The following ENTREP3 variants were observed in gnomAD, a reference collection of about 807,000 sequenced individuals.
The protein encoded by ENTREP3 is endosomal transmembrane epsin interactor 3.
chr1:155,250,612 G>A, the ENTREP3 span: 1 of 1,608,850 alleles, frequency 6.2e-7, no homozygotes, highest in Non-Finnish European at 8.5e-7. The surrounding 1 kb of genome is among the most constrained non-coding windows in gnomAD (Gnocchi z 5.4). Context: ...GGGCGCCGTG[G>A]CAGGGGGCTT....
At chr1:155,251,055 C>T in the ENTREP3 span, 27 of 1,573,688 alleles carry the variant, frequency 1.7e-5, no homozygotes, top group Admixed American at 8.5e-5. Flanking sequence ...CTATCCCTGG[C>T]AGCCCCGCCC....
the ENTREP3 span, chr1:155,251,751 G>A: frequency 1.2e-6 from 2 of 1,611,536 alleles, no homozygotes. Context: ...ATCTGTTTCT[G>A]AGCTGCAGGT....
At chr1:155,250,475 G>A in the ENTREP3 span, 5 of 1,478,896 alleles carry the variant, frequency 3.4e-6, no homozygotes, top group African/African-American at 1.4e-5. The surrounding 1 kb of genome is among the most constrained non-coding windows in gnomAD (Gnocchi z 5.4). Flanking sequence ...GCCTCAGCTC[G>A]GGGAAGCAGG....
the ENTREP3 span, chr1:155,250,649 G>C: frequency 1.2e-6 from 2 of 1,612,060 alleles, no homozygotes; most frequent in Non-Finnish European, 1.7e-6. This position sits in a 1 kb window ranked among gnomAD's most constrained non-coding sequence, Gnocchi z 5.4. Context: ...GCAGGCCACA[G>C]TCCAGGCTGA....
chr1:155,251,084 G>A, the ENTREP3 span: 19 of 1,608,892 alleles, frequency 1.2e-5, no homozygotes, highest in African/African-American at 5.4e-5. Context: ...CCCTCATTAC[G>A]CCCTGCTCAC....
At chr1:155,254,470 G>A in the ENTREP3 span, 3 of 1,614,008 alleles carry the variant, frequency 1.9e-6, no homozygotes, top group African/African-American at 4.0e-5. This position sits in a 1 kb window ranked among gnomAD's most constrained non-coding sequence, Gnocchi z 4.4. Flanking sequence ...GGGACAGAGT[G>A]GGCACAGGCT....
At chr1:155,250,265 AG>A in the ENTREP3 span, 6 of 1,543,716 alleles carry the variant, frequency 3.9e-6, no homozygotes, top group African/African-American at 8.3e-5. The surrounding 1 kb of genome is among the most constrained non-coding windows in gnomAD (Gnocchi z 5.4). Context: ...GCAGTCGGGG[AG>A]GGGGCTCACC....
the ENTREP3 span, chr1:155,253,993 G>A: frequency 1.2e-6 from 2 of 1,612,762 alleles, no homozygotes; most frequent in South Asian, 1.1e-5. Flanking sequence ...GTGGAGCAGG[G>A]AGGGTGAGGC....
At chr1:155,247,846 A>G in the ENTREP3 span, 1 of 1,497,190 alleles carries the variant, frequency 6.7e-7, no homozygotes, top group South Asian at 1.4e-5. Flanking sequence ...ACCACGCTCC[A>G]GCCTGCGGCC....
At chr1:155,248,991 T>C in the ENTREP3 span, among the ~76,000 whole-genome samples, 81 of 151,030 alleles carry the variant, frequency 5.4e-4, no homozygotes, top group African/African-American at 1.9e-3. Context: ...GCTGGGATTA[T>C]AGGTGTGAAC....
the ENTREP3 span, among the ~76,000 whole-genome samples, chr1:155,248,696 G>A: frequency 4.0e-5 from 6 of 150,704 alleles, no homozygotes; most frequent in Admixed American, 3.3e-4. Flanking sequence ...GCACAGTGCT[G>A]AGCGTTCCCC....
the ENTREP3 span, chr1:155,247,460 T>A: frequency 9.2e-5 from 56 of 611,870 alleles, no homozygotes; most frequent in Non-Finnish European, 1.5e-4. Flanking sequence ...GCCTTTGCCC[T>A]GACCATAGTG....
At chr1:155,247,853 G>A in the ENTREP3 span, 29 of 1,505,524 alleles carry the variant, frequency 1.9e-5, no homozygotes, top group South Asian at 1.9e-4. Flanking sequence ...TCCAGCCTGC[G>A]GCCAGACAGG....
chr1:155,248,007 C>T, the ENTREP3 span: 1 of 1,613,598 alleles, frequency 6.2e-7, no homozygotes, highest in Non-Finnish European at 8.5e-7. Context: ...ATCTGAAGCT[C>T]CACGCTTTCC....
At chr1:155,248,548 C>T in the ENTREP3 span, 1 of 1,347,142 alleles carries the variant, frequency 7.4e-7, no homozygotes. Flanking sequence ...CCTGTGGGAA[C>T]TCAAGCCCAG....
the ENTREP3 span, chr1:155,250,466 C>T: frequency 6.8e-7 from 1 of 1,476,854 alleles, no homozygotes; most frequent in Non-Finnish European, 8.9e-7. This position sits in a 1 kb window ranked among gnomAD's most constrained non-coding sequence, Gnocchi z 5.4. Context: ...GGACCCGCCG[C>T]CTCAGCTCGG....
chr1:155,255,103 G>A, the ENTREP3 span: 3 of 593,466 alleles, frequency 5.1e-6, no homozygotes, highest in East Asian at 8.4e-5. The surrounding 1 kb of genome is among the most constrained non-coding windows in gnomAD (Gnocchi z 5.6). Flanking sequence ...CACGGGCACT[G>A]GACGGGCACC....
At chr1:155,253,783 A>T in the ENTREP3 span, 10 of 1,609,458 alleles carry the variant, frequency 6.2e-6, no homozygotes, top group Non-Finnish European at 8.5e-6. Flanking sequence ...AGTTCCACAC[A>T]TTATGGGCCT....
chr1:155,252,065 A>C, the ENTREP3 span: 1 of 531,726 alleles, frequency 1.9e-6, no homozygotes, highest in Non-Finnish European at 3.2e-6. Flanking sequence ...GCTCTCCTTA[A>C]CCCCACGCTC....
Sources: gnomAD v4.1 joint callset for allele counts (sites outside exome capture counted in the v4.1 genomes callset) on GRCh38, gnomAD v4.1.1 for gene constraint, Gnocchi (gnomAD v3.1) non-coding constraint, MANE v1.5 for transcripts, NCBI Gene and HGNC (gene_info 2026-07-23, HGNC 2026-07-21) for gene names.